NLN: variants seen among roughly 807,000 people sequenced by gnomAD.
NLN encodes the protein neurolysin, also known as neurolysin, mitochondrial.
In NLN, 64 loss-of-function variants were observed where a neutral mutation model predicts 79.9. The ratio of observed to expected loss-of-function variants is 0.80; its 90% confidence interval spans 0.65 to 0.99. The LOEUF (loss-of-function observed/expected upper bound fraction) is 0.99. Among genes scored for constraint, NLN ranks in the 50% least tolerant of loss-of-function variants. NLN has a pLI of 0.00. For synonymous variants in NLN, 267 were observed against 296.6 expected, an observed-to-expected ratio of 0.90 and a Z score of 1.02; for missense variants, 835 against 858.7, an observed-to-expected ratio of 0.97 and a Z score of 0.34.
intron 7 of NLN, among the ~76,000 whole-genome samples, chr5:65,787,245 T>C (rs1290134009): frequency 6.9e-6 from 1 of 145,798 alleles, no homozygotes; most frequent in African/African-American, 2.8e-5. Context: ...TTTATATATA[T>C]ATATATGTAT....
intron 1 of NLN, among the ~76,000 whole-genome samples, chr5:65,734,578 A>T: frequency 6.6e-6 from 1 of 151,728 alleles, no homozygotes. Context: ...CATTCTGCCC[A>T]CTCTGAGATT....
At chr5:65,767,958 C>G (rs1006953105) in intron 3 of NLN, among the ~76,000 whole-genome samples, 1 of 152,226 alleles carries the variant, frequency 6.6e-6, no homozygotes, top group South Asian at 2.1e-4. Flanking sequence ...AGTTCCTCAT[C>G]TTCATCTGAG....
chr5:65,756,501 T>G (rs1405461040), intron 1 of NLN, among the ~76,000 whole-genome samples: 1 of 152,128 alleles, frequency 6.6e-6, no homozygotes, highest in Non-Finnish European at 1.5e-5. Context: ...AAGAACAACT[T>G]CTCTCTTGAA....
Position 65,788,262 on chromosome 5 carries a change from C to T in NLN, c.1103C>T (p.Thr368Ile). The T allele has an allele frequency of 2.5e-6, 4 of 1,614,138 alleles. No homozygotes were observed. The highest frequency in any genetic ancestry group is 3.4e-6 in the Non-Finnish European group (4 of 1,179,986). ...AWDLYYYMTQTEELKYSIDQE... is the reference protein window; with the variant it reads ...AWDLYYYMTQIEELKYSIDQE... ...GATCTATATTACTACATGACTCAGA[C>T]AGAGGAACTCAAGTATTCCATAGAC... Residue 368 changes from threonine to isoleucine, a missense_variant, in exon 8 of 13, where the codon ACA becomes ATA. Thr to Ile is a moderately conservative substitution (Grantham distance 89, BLOSUM62 -1). Coordinates refer to ENST00000380985, the MANE Select transcript of NLN (RefSeq NM_020726.5).
chr5:65,789,641 TGTA>T (rs2150762605), intron 8 of NLN, among the ~76,000 whole-genome samples: 1 of 152,280 alleles, frequency 6.6e-6, no homozygotes, highest in East Asian at 1.9e-4. Context: ...AACAGGCATC[TGTA>T]GTCTCAGCTA....
At chr5:65,732,379 GTGTT>G (rs1345100986) in intron 1 of NLN, among the ~76,000 whole-genome samples, 1 of 140,324 alleles carries the variant, frequency 7.1e-6, no homozygotes, top group Non-Finnish European at 1.6e-5. Flanking sequence ...TTTAGGAAGT[GTGTT>G]TGAAGTTAAT....
chr5:65,723,538 G>A (rs1758370016), intron 1 of NLN, among the ~76,000 whole-genome samples: 1 of 152,164 alleles, frequency 6.6e-6, no homozygotes, highest in South Asian at 2.1e-4. Flanking sequence ...TTCTCGGCCG[G>A]GCGCTGTGGC....
chr5:65,735,092 A>G (rs1361135981), intron 1 of NLN, among the ~76,000 whole-genome samples: 1 of 152,122 alleles, frequency 6.6e-6, no homozygotes, highest in Admixed American at 6.5e-5. Flanking sequence ...TGCTGTTCTC[A>G]TGATACTGAG....
intron 3 of NLN, among the ~76,000 whole-genome samples, chr5:65,772,745 T>C (rs1163242479): frequency 1.3e-5 from 2 of 151,782 alleles, no homozygotes; most frequent in Admixed American, 1.3e-4. Context: ...TTTTTTTTTT[T>C]TTAGAAACAG....
At chr5:65,759,492 T>A (rs2150746588) in intron 2 of NLN, among the ~76,000 whole-genome samples, 1 of 151,954 alleles carries the variant, frequency 6.6e-6, no homozygotes, top group Middle Eastern at 3.4e-3. Flanking sequence ...TATAGGGAAT[T>A]GGCTTACATG....
intron 1 of NLN, chr5:65,723,078 A>G (rs1009716693): frequency 6.6e-6 from 1 of 152,278 alleles, no homozygotes; most frequent in Non-Finnish European, 1.5e-5. Context: ...ACCAGTAGCA[A>G]GATGGTGAGG....
Position 65,755,962 on chromosome 5 carries a change from T to A in NLN, c.42-2605T>A, listed in dbSNP as rs567799304. Among the ~76,000 whole-genome samples, 53 of 152,282 alleles carry A rather than the reference T, an allele frequency of 3.5e-4. 1 individual carries two copies. Among genetic ancestry groups the A allele is most frequent in the Admixed American group, 3.1e-3 (47 of 15,282 alleles). Reference sequence around the variant, plus strand: ...CTCCAGTTCTTCACCTCTTCCTTATTCCTCCATCATAGTAGTCTGACCTGT... The same window carrying A: ...CTCCAGTTCTTCACCTCTTCCTTATACCTCCATCATAGTAGTCTGACCTGT... On this transcript the variant is annotated intron_variant, in intron 1 of 12. Transcript: ENST00000380985.
At chr5:65,730,709 A>ATCCC (rs1368515844) in intron 1 of NLN, among the ~76,000 whole-genome samples, 1 of 152,078 alleles carries the variant, frequency 6.6e-6, no homozygotes, top group Non-Finnish European at 1.5e-5. Context: ...GGCACCCGCC[A>ATCCC]TCATGCCCAG....
Position 65,722,333 on chromosome 5 carries a change from A to G in NLN, c.-41A>G, listed in dbSNP as rs1282347786. The G allele has an allele frequency of 1.3e-6, 2 of 1,517,412 alleles. No homozygotes were observed. The highest frequency in any genetic ancestry group is 2.7e-5 in the East Asian group (1 of 36,606). 94.0% of individuals were successfully genotyped at this position (1,517,412 alleles called of 1,614,324 possible). A position where few individuals can be genotyped will look rare whatever the true frequency, so the allele number is the denominator to read the frequency against. ...CCGCCCGCCTCGCCGCCCCACGCCG[A>G]AGGACCACGCGCCCGCCGCCGCCAG... On this transcript the variant is annotated 5_prime_UTR_variant, in exon 1 of 13. Coordinates refer to ENST00000380985, the MANE Select transcript of NLN (RefSeq NM_020726.5).
Position 65,809,543 on chromosome 5 carries a change from A to G in NLN, c.1556A>G (p.Asn519Ser), listed in dbSNP as rs770481660. 39 of 1,606,556 alleles carry G rather than the reference A, an allele frequency of 2.4e-5. No individual in the cohort carries two copies. The highest frequency in any genetic ancestry group is 3.3e-5 in the Non-Finnish European group (39 of 1,178,186). ...GATTTTGCACGATTTAGCGGAACAAATGTGGAAACTGACTTTGTAGAGGTG... is the reference window on the plus strand; with the variant it reads ...GATTTTGCACGATTTAGCGGAACAAGTGTGGAAACTGACTTTGTAGAGGTG... ...QTDFARFSGT[N>S]VETDFVEVPS... Residue 519 changes from asparagine to serine, a missense_variant, in exon 10 of 13, where the codon AAT becomes AGT. Asn to Ser is a conservative substitution (Grantham distance 46). Coordinates refer to ENST00000380985, the MANE Select transcript of NLN (RefSeq NM_020726.5).
At chr5:65,723,831 A>AAAAAAAAAAAAAAAAAAC in intron 1 of NLN, among the ~76,000 whole-genome samples, 1 of 150,274 alleles carries the variant, frequency 6.7e-6, no homozygotes. Context: ...AAAAAAAAAA[A>AAAAAAAAAAAAAAAAAAC]AAAAAGAACA....
At chr5:65,734,859 T>A (rs1328156198) in intron 1 of NLN, among the ~76,000 whole-genome samples, 2 of 152,244 alleles carry the variant, frequency 1.3e-5, no homozygotes, top group African/African-American at 4.8e-5. Flanking sequence ...ATTTTTATTC[T>A]CATAGGAATT....
At chr5:65,737,049 G>A (rs1758743008) in intron 1 of NLN, among the ~76,000 whole-genome samples, 1 of 152,086 alleles carries the variant, frequency 6.6e-6, no homozygotes, top group African/African-American at 2.4e-5. Flanking sequence ...AAGCTGCAGC[G>A]AGCCATGATC....
intron 8 of NLN, among the ~76,000 whole-genome samples, chr5:65,788,909 C>A (rs1203559223): frequency 2.6e-5 from 4 of 151,378 alleles, no homozygotes; most frequent in Non-Finnish European, 4.4e-5. Flanking sequence ...GAGGTGGAGG[C>A]TGCAGTGAGC....
Sources: gnomAD v4.1 joint callset for allele counts (sites outside exome capture counted in the v4.1 genomes callset) on GRCh38, gnomAD v4.1.1 for gene constraint, MANE v1.5 for transcripts, NCBI Gene and HGNC (gene_info 2026-07-23, HGNC 2026-07-21) for gene names.